SELP: variants seen among roughly 807,000 people sequenced by gnomAD.
The protein encoded by SELP is P-selectin.
In SELP, 92 loss-of-function variants were observed where a neutral mutation model predicts 104.1. That is an observed-to-expected ratio of 0.88 (90% CI 0.75 to 1.05). The LOEUF (loss-of-function observed/expected upper bound fraction) is 1.05. SELP is among the 50% of genes least tolerant of loss of function. SELP has a pLI of 0.00. For synonymous variants in SELP, 397 were observed against 364.5 expected, an observed-to-expected ratio of 1.09 and a Z score of -1.01; for missense variants, 1,022 against 1,017.3, an observed-to-expected ratio of 1.00 and a Z score of -0.06.
intron 8 of SELP, among the ~76,000 whole-genome samples, chr1:169,607,378 A>T (rs1361352852): frequency 6.6e-6 from 1 of 152,164 alleles, no homozygotes; most frequent in Non-Finnish European, 1.5e-5. Context: ...ATGCTTTTGG[A>T]CCCAAGAATT....
At position 169,594,848 on chromosome 1, in the gene SELP, T is replaced by A. The variant is rs763364922; in HGVS notation, c.2131A>T (p.Lys711Ter). ...TTGGAGCAGTTCATCGCTATTGGCT[T>A]ATTAACATGTAGTTCTGAGCATTTC... Reference protein sequence around the residue: ...AVKCSELHVNKPIAMNCSNLW... With the variant: ...AVKCSELHVN The change falls in exon 13 of 17, where the codon AAG becomes TAG. Residue 711 changes from lysine (K) to a stop codon, truncating the protein, a stop_gained. Transcript: ENST00000263686. LOFTEE classifies it high-confidence loss of function. 1 of 1,613,594 alleles carries A rather than the reference T, an allele frequency of 6.2e-7. No individual in the cohort carries two copies. The highest frequency in any genetic ancestry group is 2.2e-5 in the East Asian group (1 of 44,874).
intron 1 of SELP, among the ~76,000 whole-genome samples, chr1:169,628,160 T>A (rs1452341366): frequency 6.6e-6 from 1 of 152,202 alleles, no homozygotes; most frequent in Non-Finnish European, 1.5e-5. Flanking sequence ...CCTCCCAAAG[T>A]GCTGGGATTA....
chr1:169,616,904 T>C, intron 3 of SELP, 124 bp downstream of exon 3: 1 of 1,034,898 alleles, frequency 9.7e-7, no homozygotes, highest in Non-Finnish European at 1.4e-6. Context: ...GACTAACAAT[T>C]TACCCCTTGA....
intron 8 of SELP, among the ~76,000 whole-genome samples, chr1:169,609,018 A>G (rs1662350858): frequency 6.6e-6 from 1 of 152,108 alleles, no homozygotes. Flanking sequence ...TTTCCCTATA[A>G]ATCCTATAAG....
At chr1:169,621,713 G>C (rs1220529599) in intron 1 of SELP, among the ~76,000 whole-genome samples, 1 of 152,140 alleles carries the variant, frequency 6.6e-6, no homozygotes, top group Non-Finnish European at 1.5e-5. Context: ...TGGTAAGTAG[G>C]CATATTTTGT....
chr1:169,616,379 T>C (rs371159421), intron 3 of SELP, among the ~76,000 whole-genome samples: 2 of 152,308 alleles, frequency 1.3e-5, no homozygotes, highest in African/African-American at 4.8e-5. Flanking sequence ...AGTGTGAAAC[T>C]GGCTCCACCA....
intron 8 of SELP, among the ~76,000 whole-genome samples, chr1:169,608,458 A>C (rs777555233): frequency 4.6e-5 from 7 of 152,134 alleles, no homozygotes; most frequent in African/African-American, 7.2e-5. Context: ...GGAATCATAC[A>C]GTATTTGTCC....
At chr1:169,620,412 C>T (rs1288145046) in intron 1 of SELP, among the ~76,000 whole-genome samples, 1 of 147,448 alleles carries the variant, frequency 6.8e-6, no homozygotes, top group Non-Finnish European at 1.5e-5. Context: ...CCTTCATTAA[C>T]CTCCAGGCTT....
intron 16 of SELP, 64 bp from the exon 17 acceptor site, chr1:169,589,525 A>T (rs1362311777): frequency 6.6e-6 from 1 of 152,302 alleles, no homozygotes; most frequent in East Asian, 1.9e-4. Flanking sequence ...CAACAGGATC[A>T]TATGGAGGCT....
At chr1:169,624,529 C>G (rs1020461454) in intron 1 of SELP, among the ~76,000 whole-genome samples, 4 of 152,146 alleles carry the variant, frequency 2.6e-5, no homozygotes, top group Non-Finnish European at 4.4e-5. Flanking sequence ...GTGGGCAGAT[C>G]ACTTGAGGTC....
In SELP at chr1:169,611,881, G is replaced by T. The variant is rs977026022; in HGVS notation, c.962-204C>A. Among the ~76,000 whole-genome samples, 25 of 152,090 alleles carry T rather than the reference G, an allele frequency of 1.6e-4. 1 individual carries two copies. The highest frequency in any genetic ancestry group is 5.8e-4 in the African/African-American group (24 of 41,384). On this transcript the variant is annotated intron_variant, in intron 6 of 16. Coordinates refer to ENST00000263686, the MANE Select transcript of SELP (RefSeq NM_003005.4). ...TTAAAAACAAAGATTCCTCCAAGCT[G>T]TATTCTTAATGTCCTCTATTCCCTA...
chr1:169,589,055 A>C lies in SELP; in HGVS notation c.*408T>G, dbSNP rs1343382199. ...GCCTCATCAACAGCAACCACTGGAG[A>C]CTCCAGAAGATGCTACAGGAATTTC... is the stretch of plus-strand genomic sequence containing the variant. On this transcript the variant is annotated 3_prime_UTR_variant, in exon 17 of 17. Coordinates refer to ENST00000263686, the MANE Select transcript of SELP (RefSeq NM_003005.4). 1.3e-5 allele frequency: 2 copies of C among 152,088 alleles called. No individual in the cohort carries two copies. The highest frequency in any genetic ancestry group is 2.9e-5 in the Non-Finnish European group (2 of 68,014). 9.4% of individuals were successfully genotyped at this position (152,088 alleles called of 1,614,324 possible). A position where few individuals can be genotyped will look rare whatever the true frequency, so the allele number is the denominator to read the frequency against.
At chr1:169,623,676 A>G (rs7532184) in intron 1 of SELP, among the ~76,000 whole-genome samples, 1 of 152,246 alleles carries the variant, frequency 6.6e-6, no homozygotes, top group Non-Finnish European at 1.5e-5. Context: ...TTAATCTGAC[A>G]TACTTTTCTG....
rs138006762 is a variant in SELP, at chr1:169,611,535, G to C, written c.1104C>G (p.Cys368Trp). 4.3e-6 allele frequency: 7 copies of C among 1,613,956 alleles called. No homozygotes were observed. Among genetic ancestry groups the C allele is most frequent in the African/African-American group, 2.7e-5 (2 of 74,884 alleles). ...YRVRGLDMLR[C>W]IDSGHWSAPL... is the part of the protein sequence containing the mutation. ...GTGCAGACCAGTGTCCAGAGTCAAT[G>C]CAGCGGAGCATGTCCAAGCCCCTCA... The change falls in exon 7 of 17, where the codon TGC (cysteine) becomes TGG (tryptophan). Residue 368 changes from cysteine (C) to tryptophan (W), a missense_variant. By Grantham distance (215) the Cys-to-Trp change is radical. Coordinates refer to ENST00000263686, the MANE Select transcript of SELP (RefSeq NM_003005.4).
chr1:169,596,875 C>G (rs776487949), intron 11 of SELP, 116 bp downstream of exon 11: 52 of 905,466 alleles, frequency 5.7e-5, no homozygotes, highest in Non-Finnish European at 7.3e-5. Context: ...TTTGCTAAAC[C>G]CAAATAATGG....
intron 4 of SELP, 133 bp downstream of exon 4, chr1:169,613,453 T>C (rs1662647363): frequency 5.7e-6 from 4 of 696,590 alleles, no homozygotes; most frequent in Non-Finnish European, 1.0e-5. Flanking sequence ...GGACACTGAG[T>C]GGAGGAGACA....
At chr1:169,616,909 C>G (rs996563416) in intron 3 of SELP, 119 bp downstream of exon 3, 1 of 1,090,238 alleles carries the variant, frequency 9.2e-7, no homozygotes, top group African/African-American at 1.6e-5. Flanking sequence ...ACAATTTACC[C>G]CTTGATTTCA....
intron 13 of SELP, among the ~76,000 whole-genome samples, chr1:169,594,289 G>T (rs1032755969): frequency 6.6e-6 from 1 of 152,186 alleles, no homozygotes; most frequent in Non-Finnish European, 1.5e-5. Context: ...CTTGCAAACA[G>T]ATGGAATTTA....
intron 8 of SELP, 112 bp downstream of exon 8, chr1:169,609,392 A>G: frequency 2.8e-6 from 3 of 1,061,418 alleles, no homozygotes; most frequent in Non-Finnish European, 4.1e-6. Context: ...CATGGCCCAT[A>G]GTAGGTTCTC....
Sources: allele counts gnomAD v4.1 joint callset (sites outside exome capture counted in the v4.1 genomes callset), GRCh38; gene constraint gnomAD v4.1.1; transcripts MANE v1.5; gene names NCBI Gene and HGNC (gene_info 2026-07-23, HGNC 2026-07-21).